Variants in CTTNBP2 observed in about 807,000 individuals in gnomAD.
The protein encoded by CTTNBP2 is cortactin binding protein 2.
Under a neutral mutation model 156.9 loss-of-function variants are expected in CTTNBP2, and 108 were observed. That is an observed-to-expected ratio of 0.69 (90% CI 0.59 to 0.81). The LOEUF (loss-of-function observed/expected upper bound fraction) is 0.81. Among genes scored for constraint, CTTNBP2 ranks in the 30% least tolerant of loss-of-function variants. CTTNBP2 has a pLI of 0.00. For synonymous variants in CTTNBP2, 767 were observed against 751.8 expected, an observed-to-expected ratio of 1.02 and a Z score of -0.33; for missense variants, 1,924 against 2,035.4, an observed-to-expected ratio of 0.95 and a Z score of 1.05.
At chr7:117,767,779 T>C (rs35583564) in intron 8 of CTTNBP2, among the ~76,000 whole-genome samples, 15,374 of 152,260 alleles carry the variant, frequency 0.1, 1,165 homozygotes, top group African/African-American at 0.21. Context: ...TTCAGCTTTT[T>C]CTTCTTCTGT....
At chr7:117,758,286 A>G (rs1267388748) in intron 10 of CTTNBP2, among the ~76,000 whole-genome samples, 2 of 152,196 alleles carry the variant, frequency 1.3e-5, no homozygotes, top group Non-Finnish European at 2.9e-5. Context: ...AAGGCTGTCC[A>G]TAATCTAAAA....
intron 21 of CTTNBP2, 110 bp downstream of exon 21, chr7:117,719,394 A>G: frequency 9.8e-7 from 1 of 1,018,160 alleles, no homozygotes; most frequent in Non-Finnish European, 1.4e-6. Context: ...TTTGATTTGG[A>G]TCATTAACCA....
intron 14 of CTTNBP2, among the ~76,000 whole-genome samples, chr7:117,742,754 A>G (rs1750174282): frequency 6.6e-6 from 1 of 152,236 alleles, no homozygotes; most frequent in Admixed American, 6.5e-5. Context: ...TGTGGTTCTC[A>G]TATTGCTTTT....
In CTTNBP2 at chr7:117,745,855, G is replaced by T. The variant is rs757418579; in HGVS notation, c.3511C>A (p.Leu1171Ile). ...EVDAGFSKEQ[L>I]LDLFISSACL... ...CCGCTACTAATGAACAGGTCTAGTA[G>T]CTGTTCCTTGGAAAAACCAGCATCT... The change falls in exon 14 of 23, where the codon CTA becomes ATA. Residue 1171 changes from leucine (L) to isoleucine (I), a missense_variant. Transcript: ENST00000160373. 1.9e-6 allele frequency: 3 copies of T among 1,613,098 alleles called. No individual in the cohort carries two copies. Among genetic ancestry groups the T allele is most frequent in the Non-Finnish European group, 8.5e-7 (1 of 1,179,166 alleles).
chr7:117,743,455 A>G (rs1279248348), intron 14 of CTTNBP2, among the ~76,000 whole-genome samples: 1 of 152,048 alleles, frequency 6.6e-6, no homozygotes, highest in African/African-American at 2.4e-5. Flanking sequence ...TTGCTGTGGG[A>G]TCTTTGAGTA....
intron 4 of CTTNBP2, among the ~76,000 whole-genome samples, chr7:117,787,190 G>A (rs1798746593): frequency 6.6e-6 from 1 of 152,152 alleles, no homozygotes; most frequent in East Asian, 1.9e-4. Flanking sequence ...GTAATACTTA[G>A]TTAAGAGGTT....
At chr7:117,738,002 AGC>A (rs1307107283) in intron 14 of CTTNBP2, among the ~76,000 whole-genome samples, 1 of 152,214 alleles carries the variant, frequency 6.6e-6, no homozygotes. Flanking sequence ...CATCATGGTG[AGC>A]TAAAAGCTGA....
intron 3 of CTTNBP2, among the ~76,000 whole-genome samples, chr7:117,800,849 T>G (rs1421142375): frequency 1.3e-5 from 2 of 152,112 alleles, no homozygotes; most frequent in Non-Finnish European, 2.9e-5. Flanking sequence ...AGCTCCAGAT[T>G]TGTTGCTAAG....
rs1563054025 is a variant in CTTNBP2, at chr7:117,835,280, TTTAA to T, written c.190-24295_190-24292del. 3.9e-5 allele frequency among the ~76,000 whole-genome samples: 6 copies of T among 152,246 alleles called. No individual in the cohort carries two copies. The South Asian group carries it at 1.2e-3, about 31-fold the overall frequency. On this transcript the variant is annotated intron_variant, in intron 2 of 22. Transcript: ENST00000160373. ...TGAAAGATATGCACACTAATTCATG[TTTAA>T]TTAAGTTTAGACCAAAGCTGACATC...
intron 8 of CTTNBP2, among the ~76,000 whole-genome samples, chr7:117,770,700 A>G (rs535844633): frequency 6.6e-6 from 1 of 152,174 alleles, no homozygotes; most frequent in Non-Finnish European, 1.5e-5. Context: ...CACTCAGAAA[A>G]GGGGCTGGTG....
intron 2 of CTTNBP2, among the ~76,000 whole-genome samples, chr7:117,825,641 C>T (rs1225005547): frequency 6.6e-6 from 1 of 152,022 alleles, no homozygotes; most frequent in Admixed American, 6.6e-5. Context: ...GATATAGAAT[C>T]TGTCGCTTCA....
At chr7:117,820,402 C>G (rs1800889882) in intron 2 of CTTNBP2, among the ~76,000 whole-genome samples, 2 of 152,158 alleles carry the variant, frequency 1.3e-5, no homozygotes, top group Admixed American at 6.5e-5. Flanking sequence ...TGATGAAATC[C>G]AATTTAACCA....
At chr7:117,818,031 T>C (rs1486651914) in intron 2 of CTTNBP2, among the ~76,000 whole-genome samples, 2 of 152,188 alleles carry the variant, frequency 1.3e-5, no homozygotes, top group Non-Finnish European at 2.9e-5. Context: ...AATTACTGTT[T>C]ACAACACTTT....
chr7:117,817,388 A>ATATAT (rs1554437687), intron 2 of CTTNBP2, among the ~76,000 whole-genome samples: 1 of 124,750 alleles, frequency 8.0e-6, no homozygotes, highest in Non-Finnish European at 1.7e-5. Flanking sequence ...ATATATATAT[A>ATATAT]ATTTCATCAG....
At chr7:117,773,172 C>T (rs1002455134) in intron 8 of CTTNBP2, among the ~76,000 whole-genome samples, 3 of 152,168 alleles carry the variant, frequency 2.0e-5, no homozygotes, top group African/African-American at 7.2e-5. Flanking sequence ...GAACTAGCTA[C>T]CCAACTCCAT....
At chr7:117,772,573 A>G (rs1354388591) in intron 8 of CTTNBP2, among the ~76,000 whole-genome samples, 1 of 152,168 alleles carries the variant, frequency 6.6e-6, no homozygotes, top group African/African-American at 2.4e-5. Flanking sequence ...ATTAGAGAGT[A>G]AAAGGAGGCA....
At chr7:117,862,136 T>C (rs1584575292) in intron 1 of CTTNBP2, among the ~76,000 whole-genome samples, 1 of 152,182 alleles carries the variant, frequency 6.6e-6, no homozygotes, top group African/African-American at 2.4e-5. Flanking sequence ...TGTGGTCATC[T>C]GGGCTGCCAT....
Position 117,767,077 on chromosome 7 carries a change from G to T in CTTNBP2, c.2878C>A (p.His960Asn). The T allele has an allele frequency of 5.0e-6, 8 of 1,590,690 alleles. No individual in the cohort carries two copies. The highest frequency in any genetic ancestry group is 6.9e-6 in the Non-Finnish European group (8 of 1,158,592). The change falls in exon 9 of 23, where the codon CAT (histidine) becomes AAT (asparagine). Residue 960 changes from histidine (H) to asparagine (N), a missense_variant. Transcript: ENST00000160373. ...CACTCACTCAGATTCTCCAGCAAAT[G>T]CTTGCAGTCATCAGTGGCAACATCA... The part of the protein sequence containing the change: ...VHDVATDDCK[H>N]LLENLNALKI...
In CTTNBP2 at chr7:117,725,221, G is replaced by A; in HGVS notation, c.4092C>T (p.Pro1364=). The A allele has an allele frequency of 6.2e-7, 1 of 1,614,142 alleles. No individual in the cohort carries two copies. Among genetic ancestry groups the A allele is most frequent in the Non-Finnish European group, 8.5e-7 (1 of 1,180,016 alleles). The part of the protein sequence containing the change: ...MSKLWNGVIA[P]RVQEAILSRA... ...TTGACAATATTGCTTCTTGAACTCT[G>A]GGTGCGATGACGCCATTCCACAGCT... Residue 1364 remains proline (P), a synonymous_variant, in exon 18 of 23, where the codon CCC becomes CCT. Coordinates refer to ENST00000160373, the MANE Select transcript of CTTNBP2 (RefSeq NM_033427.3).
Sources: gnomAD v4.1 joint callset for allele counts (sites outside exome capture counted in the v4.1 genomes callset) on GRCh38, gnomAD v4.1.1 for gene constraint, MANE v1.5 for transcripts, NCBI Gene and HGNC (gene_info 2026-07-23, HGNC 2026-07-21) for gene names.